PAQR3: variants seen among roughly 807,000 people sequenced by gnomAD.
PAQR3 encodes the protein progestin and adipoQ receptor family member 3.
A neutral mutation model predicts 41.7 loss-of-function variants in PAQR3; 39 were observed. That is an observed-to-expected ratio of 0.93 (90% CI 0.72 to 1.22). The LOEUF (loss-of-function observed/expected upper bound fraction) is 1.22, where lower values mean the gene tolerates loss of function less well. Ranked by LOEUF, PAQR3 falls within the 50% of genes most tolerant of loss-of-function variation. PAQR3 has a pLI of 0.00. For synonymous variants in PAQR3, 140 were observed against 140.6 expected, an observed-to-expected ratio of 1.00 and a Z score of 0.03; for missense variants, 366 against 385.6, an observed-to-expected ratio of 0.95 and a Z score of 0.42.
rs1326217746 is a variant in PAQR3, at chr4:78,939,181, C to T, written c.44G>A (p.Gly15Asp). The part of the protein sequence containing the change: ...LLKSAHYIEL[G>D]SYQYWPVLVP... ...CAGGACCGGCCAGTACTGGTAGCTGCCCAGCTCGATGTAATGCGCGCTCTT... is the reference window on the plus strand; with the variant it reads ...CAGGACCGGCCAGTACTGGTAGCTGTCCAGCTCGATGTAATGCGCGCTCTT... The change falls in exon 1 of 6, where the codon GGC (glycine) becomes GAC (aspartate). Residue 15 changes from glycine to aspartate, a missense_variant. By Grantham distance (94) the Gly-to-Asp change is moderately conservative. Coordinates refer to ENST00000512733, the MANE Select transcript of PAQR3 (RefSeq NM_001040202.2). The T allele has an allele frequency of 1.2e-6, 2 of 1,610,724 alleles. No homozygotes were observed. The highest frequency in any genetic ancestry group is 1.3e-5 in the African/African-American group (1 of 74,712).
intron 4 of PAQR3, 110 bp downstream of exon 4, chr4:78,926,411 C>A: frequency 1.2e-6 from 1 of 866,080 alleles, no homozygotes; most frequent in Non-Finnish European, 1.8e-6. Flanking sequence ...CAAATATGTT[C>A]TCAAATGACA....
intron 2 of PAQR3, chr4:78,930,620 T>A (rs1736761181): frequency 1.0e-5 from 2 of 195,260 alleles, no homozygotes; most frequent in South Asian, 1.7e-4. Flanking sequence ...AGCACAGTAA[T>A]GGGAAAGTTA....
intron 11 of PAQR3, among the ~76,000 whole-genome samples, chr4:78,891,454 A>AT (rs758997185): frequency 7.7e-4 from 117 of 152,016 alleles, no homozygotes; most frequent in Non-Finnish European, 1.3e-3. Flanking sequence ...TGCTTTGGTA[A>AT]TTTTTTCTTC....
At chr4:78,902,741 C>T (rs1278247116) in intron 11 of PAQR3, among the ~76,000 whole-genome samples, 2 of 152,040 alleles carry the variant, frequency 1.3e-5, no homozygotes. Context: ...AGAACAACTG[C>T]CCTCTAAAAG....
At chr4:78,891,740 TAAGA>T (rs1252391103) in intron 11 of PAQR3, among the ~76,000 whole-genome samples, 1 of 152,230 alleles carries the variant, frequency 6.6e-6, no homozygotes, top group Non-Finnish European at 1.5e-5. Flanking sequence ...TCTTTCACTC[TAAGA>T]GTTTCAGCAA....
At position 78,938,997 on chromosome 4, in the gene PAQR3, G is replaced by A. The variant is rs1211270774; in HGVS notation, c.185+43C>T. On this transcript the variant is annotated intron_variant, in intron 1 of 5. Coordinates refer to ENST00000512733, the MANE Select transcript of PAQR3 (RefSeq NM_001040202.2). ...GGGGGACCAGACAAAAAGGGTGTAG[G>A]TGAGAGAAGGGGGCACTCCAGGCGG... 7 of 1,525,740 alleles carry A rather than the reference G, an allele frequency of 4.6e-6. No individual in the cohort carries two copies. The East Asian group carries it at 1.5e-4, about 33-fold the overall frequency. The allele number at this position is 1,525,740 out of a possible 1,614,324, so 94.5% of individuals were successfully genotyped here. A position where few individuals can be genotyped will look rare whatever the true frequency, so the allele number is the denominator to read the frequency against.
At chr4:78,910,718 G>C (rs765655218), downstream of PAQR3, 5 of 1,613,512 alleles carry the variant, frequency 3.1e-6, no homozygotes, top group South Asian at 4.4e-5. Context: ...CAGCGGACTG[G>C]AAAGAAAACC....
downstream of PAQR3, chr4:78,911,624 G>T: frequency 6.2e-7 from 1 of 1,613,950 alleles, no homozygotes; most frequent in South Asian, 1.1e-5. Context: ...AAAGTGGGCC[G>T]CCGAGACTCT....
downstream of PAQR3, chr4:78,911,332 G>A (rs189080275): frequency 1.0e-4 from 162 of 1,613,914 alleles, 1 homozygote; most frequent in Admixed American, 2.7e-3. Context: ...TCCCAAAAGT[G>A]TAGATGTATT....
rs138239323 is a variant in PAQR3 at position 78,923,997 on chromosome 4, T to G, written c.703-50A>C. 8.5e-6 allele frequency: 11 copies of G among 1,299,342 alleles called. No individual in the cohort carries two copies. In the African/African-American group the frequency reaches 1.5e-4, roughly 17 times the overall value. The allele number at this position is 1,299,342 out of a possible 1,614,324, so 80.5% of individuals were successfully genotyped here. A position where few individuals can be genotyped will look rare whatever the true frequency, so the allele number is the denominator to read the frequency against. On this transcript the variant is annotated intron_variant, in intron 4 of 5. Coordinates refer to ENST00000512733, the MANE Select transcript of PAQR3 (RefSeq NM_001040202.2). ...ACAGATCTTCCTACTGTTACTGAACTCTAAATTTATTATGAATCTAATAGT... is the reference window on the plus strand; with the variant it reads ...ACAGATCTTCCTACTGTTACTGAACGCTAAATTTATTATGAATCTAATAGT...
rs1422831840 is a variant in PAQR3 at position 78,938,666 on chromosome 4, AC to A, written c.185+373del. Among the ~76,000 whole-genome samples, 10 of 152,162 alleles carry A rather than the reference AC, an allele frequency of 6.6e-5. No homozygotes were observed. The South Asian group carries it at 2.1e-3, about 32-fold the overall frequency. On this transcript the variant is annotated intron_variant, in intron 1 of 5. Transcript: ENST00000512733. ...ACAGGCACTTATCTGGCCCAAAGCTACTGAATTCCCACAGTGTTGCTCTAAA... is the reference window on the plus strand; with the variant it reads ...ACAGGCACTTATCTGGCCCAAAGCTATGAATTCCCACAGTGTTGCTCTAAA...
In PAQR3 at chr4:78,920,288, T is replaced by C; in HGVS notation, c.*251A>G. 1 of 1,147,028 alleles carries C rather than the reference T, an allele frequency of 8.7e-7. No homozygotes were observed. The highest frequency in any genetic ancestry group is 1.6e-5 in the African/African-American group (1 of 62,386). The allele number at this position is 1,147,028 out of a possible 1,614,324, so 71.1% of individuals were successfully genotyped here. On this transcript the variant is annotated 3_prime_UTR_variant, in exon 6 of 6. Coordinates refer to ENST00000512733, the MANE Select transcript of PAQR3 (RefSeq NM_001040202.2). Reference sequence around the variant, plus strand: ...ACTAGTTTCCCATTCATCGTTGTTATTCAGATGTTTCTTATGATTGCCAAC... The same window carrying C: ...ACTAGTTTCCCATTCATCGTTGTTACTCAGATGTTTCTTATGATTGCCAAC...
Position 78,913,194 on chromosome 4 carries a change from T to C in PAQR3, c.*7345A>G, listed in dbSNP as rs1734757895. ...GAATGGTGACACCCACAAAGCCTTA[T>C]ATAAAGGCAGGATTCATGCATCCTG... is the stretch of plus-strand genomic sequence containing the variant. On this transcript the variant is annotated 3_prime_UTR_variant, in exon 6 of 6. Coordinates refer to ENST00000512733, the MANE Select transcript of PAQR3 (RefSeq NM_001040202.2). 1 of 152,150 alleles carries C rather than the reference T, an allele frequency of 6.6e-6. No homozygotes were observed. Among genetic ancestry groups the C allele is most frequent in the Admixed American group, 6.5e-5 (1 of 15,270 alleles). The allele number at this position is 152,150 out of a possible 1,614,324, so 9.4% of individuals were successfully genotyped here.
chr4:78,935,543 T>G (rs1313506771), intron 1 of PAQR3, among the ~76,000 whole-genome samples: 3 of 152,210 alleles, frequency 2.0e-5, no homozygotes, highest in Non-Finnish European at 1.5e-5. Context: ...ATTAAGAGAT[T>G]TACATACAAA....
chr4:78,921,808 G>C, intron 5 of PAQR3: 1 of 985,044 alleles, frequency 1.0e-6, no homozygotes, highest in East Asian at 1.1e-4. Flanking sequence ...GAACATTTGA[G>C]ACTATCACTT....
chr4:78,921,892 C>T, intron 5 of PAQR3: 2 of 984,954 alleles, frequency 2.0e-6, no homozygotes, highest in Non-Finnish European at 2.4e-6. Context: ...ATATGCTCTG[C>T]TACATAGGGC....
intron 3 of PAQR3, among the ~76,000 whole-genome samples, 168 bp downstream of exon 3, chr4:78,930,002 T>C (rs1288381608): frequency 2.6e-5 from 4 of 152,208 alleles, no homozygotes; most frequent in Non-Finnish European, 2.9e-5. Context: ...TGATAACAGA[T>C]GTTAGAGATG....
chr4:78,927,433 G>A (rs1166306485), intron 3 of PAQR3, among the ~76,000 whole-genome samples: 1 of 152,212 alleles, frequency 6.6e-6, no homozygotes, highest in Non-Finnish European at 1.5e-5. Context: ...AAACCAGCTA[G>A]AAAGATACTA....
chr4:78,931,308 T>C (rs1333558050), intron 2 of PAQR3, among the ~76,000 whole-genome samples: 1 of 151,522 alleles, frequency 6.6e-6, no homozygotes, highest in Non-Finnish European at 1.5e-5. Flanking sequence ...CAGTGAGCCG[T>C]GACTGCCCCA....
Sources: gnomAD v4.1 joint callset for allele counts (sites outside exome capture counted in the v4.1 genomes callset) on GRCh38, gnomAD v4.1.1 for gene constraint, MANE v1.5 for transcripts, NCBI Gene and HGNC (gene_info 2026-07-23, HGNC 2026-07-21) for gene names.